OGA: variants seen among roughly 807,000 people sequenced by gnomAD.
OGA encodes protein O-GlcNAcase.
Under a neutral mutation model 102.0 loss-of-function variants are expected in OGA, and 21 were observed. That is an observed-to-expected ratio of 0.21 (90% CI 0.15 to 0.30). OGA has a LOEUF of 0.30. Among genes scored for constraint, OGA ranks in the 10% least tolerant of loss-of-function variants. The probability of loss-of-function intolerance (pLI) is 1.00; values close to 1 mark genes in which losing one functional copy is unlikely to be tolerated. For synonymous variants in OGA, 408 were observed against 378.2 expected (o/e 1.08, Z -0.91); for missense variants, 765 against 1,107.8 (o/e 0.69, Z 4.39).
intron 10 of OGA, among the ~76,000 whole-genome samples, chr10:101,796,207 T>C (rs1589827379): frequency 6.6e-6 from 1 of 152,144 alleles, no homozygotes; most frequent in East Asian, 1.9e-4. Flanking sequence ...GCAACCAATA[T>C]TGAGGTCTCT....
chr10:101,817,731 G>GA, intron 1 of OGA, 93 bp downstream of exon 1: 1 of 1,386,704 alleles, frequency 7.2e-7, no homozygotes, highest in Non-Finnish European at 9.7e-7. Context: ...GAGGCTTTCC[G>GA]GCCTTTTAGA....
intron 7 of OGA, among the ~76,000 whole-genome samples, chr10:101,803,324 T>C (rs2065420683): frequency 6.6e-6 from 1 of 151,984 alleles, no homozygotes; most frequent in South Asian, 2.1e-4. Context: ...CCTCTAGTAC[T>C]CAGACTTCAA....
intron 9 of OGA, 37 bp downstream of exon 9, chr10:101,798,805 C>A (rs762057957): frequency 1.9e-6 from 3 of 1,583,588 alleles, no homozygotes; most frequent in Admixed American, 1.8e-5. Flanking sequence ...TGGGGAACCA[C>A]CCAGGCTTCA....
Position 101,792,958 on chromosome 10 carries a change from A to G in OGA, c.2071-15T>C, listed in dbSNP as rs1247069635. 11 of 1,598,118 alleles carry G rather than the reference A, an allele frequency of 6.9e-6. No individual in the cohort carries two copies. Among genetic ancestry groups the G allele is most frequent in the Non-Finnish European group, 9.4e-6 (11 of 1,165,608 alleles). ...GGCAGCAAACGCTGTGGGAAGAAAA[A>G]AAAGGAGATGGATTAGTTTGGGGAA... On this transcript the variant is annotated splice_polypyrimidine_tract_variant and intron_variant, in intron 11 of 15. Transcript: ENST00000361464.
At chr10:101,804,117 G>A (rs2065434863) in intron 6 of OGA, 98 bp from the exon 7 acceptor site, 1 of 1,139,820 alleles carries the variant, frequency 8.8e-7, no homozygotes, top group Admixed American at 2.2e-5. Context: ...GGCAGAGGTG[G>A]GCAGATCATT....
chr10:101,803,599 A>G, intron 7 of OGA, 136 bp downstream of exon 7: 1 of 932,242 alleles, frequency 1.1e-6, no homozygotes, highest in Non-Finnish European at 1.6e-6. Flanking sequence ...TTTCCTCCTT[A>G]GTAAAACAAA....
chr10:101,807,224 G>A (rs796876969), intron 5 of OGA, among the ~76,000 whole-genome samples: 3 of 152,240 alleles, frequency 2.0e-5, no homozygotes, highest in African/African-American at 7.2e-5. Flanking sequence ...ATTTTGAGAA[G>A]CAACTAAGAG....
At position 101,817,950 on chromosome 10, in the gene OGA, C is replaced by T. The variant is rs768803840; in HGVS notation, c.73G>A (p.Ala25Thr). 12 of 1,599,238 alleles carry T rather than the reference C, an allele frequency of 7.5e-6. No individual in the cohort carries two copies. In the South Asian group the frequency reaches 1.1e-4, roughly 15 times the overall value. ...GCCGGCGGCTCCAGCGATGCCCCCGCAGAGGCGGCAGGGTTGGAGCTGAGC... is the reference window on the plus strand; with the variant it reads ...GCCGGCGGCTCCAGCGATGCCCCCGTAGAGGCGGCAGGGTTGGAGCTGAGC... ...SELSSNPAAS[A>T]GASLEPPAAP... Residue 25 changes from alanine to threonine, a missense_variant, in exon 1 of 16, where the codon GCG becomes ACG. Physicochemically the swap from Ala to Thr is moderately conservative, Grantham distance 58. This residue lies in a region of OGA where 117 missense variants were observed against 85.7 expected (regional missense o/e 1.36). Coordinates refer to ENST00000361464, the MANE Select transcript of OGA (RefSeq NM_012215.5).
intron 10 of OGA, among the ~76,000 whole-genome samples, chr10:101,794,798 C>T (rs749987800): frequency 6.6e-6 from 1 of 152,176 alleles, no homozygotes; most frequent in Non-Finnish European, 1.5e-5. Context: ...ATAACGCTAG[C>T]TAACAGTAAG....
intron 4 of OGA, 76 bp from the exon 5 acceptor site, chr10:101,807,977 C>T: frequency 1.7e-6 from 2 of 1,174,100 alleles, no homozygotes; most frequent in Non-Finnish European, 2.3e-6. Flanking sequence ...AACAGTTATA[C>T]TTAAAATCCA....
chr10:101,794,242 AAAGT>A (rs1208679481), intron 10 of OGA: 1 of 263,616 alleles, frequency 3.8e-6, no homozygotes, highest in Non-Finnish European at 7.1e-6. Context: ...TACTGGAAGG[AAAGT>A]AAGTCCCAAG....
rs1019024697 is a variant in OGA at position 101,790,749 on chromosome 10, T to C, written c.2454+147A>G. 1.8e-5 allele frequency: 10 copies of C among 568,376 alleles called. No homozygotes were observed. In the African/African-American group the frequency reaches 1.8e-4, roughly 10 times the overall value. The allele number at this position is 568,376 out of a possible 1,614,324, so 35.2% of individuals were successfully genotyped here. ...TGCTAAGAATAAGCCATAAGAATTC[T>C]TTCTGCAAGAAAATTAATTTAGAAA... is the stretch of plus-strand genomic sequence containing the variant. On this transcript the variant is annotated intron_variant, in intron 14 of 15. Coordinates refer to ENST00000361464, the MANE Select transcript of OGA (RefSeq NM_012215.5).
intron 9 of OGA, 36 bp downstream of exon 9, chr10:101,798,806 C>G: frequency 6.3e-7 from 1 of 1,583,640 alleles, no homozygotes; most frequent in Non-Finnish European, 8.6e-7. Flanking sequence ...GGGGAACCAC[C>G]CAGGCTTCAG....
intron 5 of OGA, among the ~76,000 whole-genome samples, chr10:101,806,871 C>T (rs183822684): frequency 2.3e-3 from 345 of 152,076 alleles, no homozygotes; most frequent in Non-Finnish European, 3.9e-3. Flanking sequence ...CCCAAGAGTT[C>T]GACACTAGCC....
chr10:101,793,387 G>GC (rs2065280534), intron 11 of OGA, among the ~76,000 whole-genome samples: 1 of 152,190 alleles, frequency 6.6e-6, no homozygotes, highest in African/African-American at 2.4e-5. Flanking sequence ...TTTGCTGTGC[G>GC]CAGCAGAGCA....
At position 101,813,546 on chromosome 10, in the gene OGA, A is replaced by C; in HGVS notation, c.251+9T>G. On this transcript the variant is annotated intron_variant, in intron 2 of 15. Transcript: ENST00000361464. ...GTTCTCCTCTCTCCTTCATATAATG[A>C]AGATTTACCTTCTAAAGAGTTCTTT... The C allele has an allele frequency of 6.6e-7, 1 of 1,514,220 alleles. No homozygotes were observed. The highest frequency in any genetic ancestry group is 9.1e-7 in the Non-Finnish European group (1 of 1,103,768). The allele number at this position is 1,514,220 out of a possible 1,614,324, so 93.8% of individuals were successfully genotyped here.
At chr10:101,812,838 A>G (rs770560497) in intron 3 of OGA, 192 bp downstream of exon 3, 2 of 657,294 alleles carry the variant, frequency 3.0e-6, no homozygotes, top group South Asian at 3.0e-5. Flanking sequence ...ATGATATCAC[A>G]CATATGGTCA....
At chr10:101,788,139 A>G in intron 14 of OGA, among the ~76,000 whole-genome samples, 1 of 150,072 alleles carries the variant, frequency 6.7e-6, no homozygotes. Flanking sequence ...TTAAAAAAAA[A>G]AAAAAAAAAA....
Position 101,806,089 on chromosome 10 carries a change from G to A in OGA, c.707C>T (p.Thr236Ile), listed in dbSNP as rs1461386445. 1 of 1,612,542 alleles carries A rather than the reference G, an allele frequency of 6.2e-7. No homozygotes were observed. The part of the protein sequence containing the change: ...PNVSQSPYLR[T>I]VGEKLLPGIE... ...TCCAGGTAGAAGCTTTTCACCCACA[G>A]TCCTTAAATATGGAGACTGAGACAC... is the stretch of plus-strand genomic sequence containing the variant. Residue 236 changes from threonine (T) to isoleucine (I), a missense_variant, in exon 6 of 16, where the codon ACT becomes ATT. Physicochemically the swap from Thr to Ile is moderately conservative, Grantham distance 89. This residue lies in a region of OGA where 165 missense variants were observed against 249.7 expected (regional missense o/e 0.66). Coordinates refer to ENST00000361464, the MANE Select transcript of OGA (RefSeq NM_012215.5).
Sources: allele counts gnomAD v4.1 joint callset (sites outside exome capture counted in the v4.1 genomes callset), GRCh38; gene constraint gnomAD v4.1.1; regional missense constraint gnomAD v4.1.1; transcripts MANE v1.5; gene names NCBI Gene and HGNC (gene_info 2026-07-23, HGNC 2026-07-21).